Variants in TSNARE1 observed in about 807,000 individuals in gnomAD.
TSNARE1 encodes the protein t-SNARE domain containing 1, also known as t-SNARE domain-containing protein 1.
Under a neutral mutation model 62.0 loss-of-function variants are expected in TSNARE1, and 49 were observed. That is an observed-to-expected ratio of 0.79 (90% CI 0.63 to 1.00). The LOEUF (loss-of-function observed/expected upper bound fraction) is 1.00. TSNARE1 is among the 50% of genes least tolerant of loss of function. The pLI, the probability that TSNARE1 is intolerant of heterozygous loss-of-function variation, is 0.00. For missense variants in TSNARE1, 755 were observed against 700.1 expected, an observed-to-expected ratio of 1.08 and a Z score of -0.88; for synonymous variants, 328 against 294.4, an observed-to-expected ratio of 1.11 and a Z score of -1.17.
In TSNARE1 at chr8:142,343,797, G is replaced by A. The variant is rs190531580; in HGVS notation, c.745+169C>T. 5.8e-4 allele frequency among the ~76,000 whole-genome samples: 47 copies of A among 80,790 alleles called. 1 individual carries two copies. Among genetic ancestry groups the A allele is most frequent in the African/African-American group, 1.6e-3 (14 of 9,012 alleles). The allele number at this position is 80,790 out of a possible 152,430, so 53.0% of individuals were successfully genotyped here. Reference sequence around the variant, plus strand: ...GAGGAGGAGGAGGAGGAGGAGGAGGGGGAGGAGGAGGAGGAGGGGAGAGGA... The same window carrying A: ...GAGGAGGAGGAGGAGGAGGAGGAGGAGGAGGAGGAGGAGGAGGGGAGAGGA... On this transcript the variant is annotated intron_variant, in intron 4 of 13. Transcript: ENST00000524325.
At chr8:142,297,856 T>C (rs1299870839) in intron 10 of TSNARE1, among the ~76,000 whole-genome samples, 4 of 152,184 alleles carry the variant, frequency 2.6e-5, no homozygotes, top group Non-Finnish European at 2.9e-5. Flanking sequence ...GAGGGAGTGA[T>C]GCAGTGAGGT....
At chr8:142,362,156 G>A (rs1835214229) in intron 1 of TSNARE1, among the ~76,000 whole-genome samples, 1 of 152,226 alleles carries the variant, frequency 6.6e-6, no homozygotes. Context: ...CCACAGGCAG[G>A]AATCAGACAG....
At chr8:142,349,607 T>A (rs1446562328) in intron 2 of TSNARE1, among the ~76,000 whole-genome samples, 1 of 152,208 alleles carries the variant, frequency 6.6e-6, no homozygotes, top group Non-Finnish European at 1.5e-5. Flanking sequence ...GCCAGGTCTC[T>A]GTCGATACTG....
intron 12 of TSNARE1, among the ~76,000 whole-genome samples, chr8:142,250,724 A>T (rs965354068): frequency 2.6e-4 from 39 of 152,210 alleles, no homozygotes; most frequent in South Asian, 6.2e-4. Context: ...CACCGAGGGC[A>T]TGGCAGCACA....
intron 12 of TSNARE1, among the ~76,000 whole-genome samples, chr8:142,239,758 G>T (rs1563770029): frequency 6.6e-6 from 1 of 152,212 alleles, no homozygotes; most frequent in African/African-American, 2.4e-5. Flanking sequence ...ACTTCTGAGG[G>T]TGTGTGGGAG....
intron 10 of TSNARE1, among the ~76,000 whole-genome samples, chr8:142,296,810 C>T (rs1209910552): frequency 1.3e-5 from 2 of 151,816 alleles, no homozygotes; most frequent in Admixed American, 1.3e-4. Context: ...CCCACAGGCT[C>T]CCCAGGACGG....
rs201648259 is a variant in TSNARE1, at chr8:142,344,261, C to G, written c.450G>C (p.Thr150=). Residue 150 remains threonine (T), a synonymous_variant, in exon 4 of 14, where the codon ACG becomes ACC. Coordinates refer to ENST00000524325, the MANE Select transcript of TSNARE1 (RefSeq NM_145003.5). ...VSKHHQLLFG[T]GLLKAEPTRR... ...GAGTGGGCTCGGCCTTCAGCAGCCC[C>G]GTGCCAAACAGCAGCTGGTGGTGCT... 1 of 1,607,988 alleles carries G rather than the reference C, an allele frequency of 6.2e-7. No homozygotes were observed. Among genetic ancestry groups the G allele is most frequent in the Non-Finnish European group, 8.5e-7 (1 of 1,175,680 alleles).
At chr8:142,362,923 A>G (rs919275132) in intron 1 of TSNARE1, among the ~76,000 whole-genome samples, 17 of 152,180 alleles carry the variant, frequency 1.1e-4, no homozygotes, top group African/African-American at 4.1e-4. Flanking sequence ...GAGATGAAAC[A>G]TGTGAGCCAC....
At chr8:142,285,844 TAA>T (rs1822647221) in intron 10 of TSNARE1, among the ~76,000 whole-genome samples, 1 of 152,180 alleles carries the variant, frequency 6.6e-6, no homozygotes, top group African/African-American at 2.4e-5. Context: ...CTGATGATCC[TAA>T]GAGACGTGGC....
At chr8:142,217,493 G>A (rs887104401) in intron 13 of TSNARE1, among the ~76,000 whole-genome samples, 3 of 152,188 alleles carry the variant, frequency 2.0e-5, no homozygotes, top group South Asian at 2.1e-4. Flanking sequence ...GGCCAGAGGC[G>A]AGAGCCAGCA....
intron 7 of TSNARE1, among the ~76,000 whole-genome samples, chr8:142,317,998 G>A (rs2131689135): frequency 6.6e-6 from 1 of 152,296 alleles, no homozygotes; most frequent in East Asian, 1.9e-4. Flanking sequence ...GGAAATGAGG[G>A]AACAGCCCTG....
chr8:142,266,367 C>T (rs1051537883), intron 12 of TSNARE1, among the ~76,000 whole-genome samples: 7 of 152,174 alleles, frequency 4.6e-5, no homozygotes, highest in Admixed American at 3.9e-4. Flanking sequence ...GATTCCAGTC[C>T]TTCACCTTGA....
intron 12 of TSNARE1, among the ~76,000 whole-genome samples, chr8:142,237,970 G>T (rs774706088): frequency 6.6e-6 from 1 of 151,836 alleles, no homozygotes; most frequent in East Asian, 1.9e-4. Context: ...GCTGGCCCAC[G>T]CCACCCGCCT....
intron 10 of TSNARE1, among the ~76,000 whole-genome samples, chr8:142,289,795 G>A (rs938323389): frequency 2.0e-5 from 3 of 152,214 alleles, no homozygotes; most frequent in Admixed American, 1.3e-4. Flanking sequence ...TCCTGGCCCA[G>A]TGCTGGTCCC....
At chr8:142,316,772 G>C (rs1052650328) in intron 7 of TSNARE1, among the ~76,000 whole-genome samples, 1 of 151,848 alleles carries the variant, frequency 6.6e-6, no homozygotes, top group Non-Finnish European at 1.5e-5. Flanking sequence ...TTGCGTGGGG[G>C]CATGCAGTCT....
intron 1 of TSNARE1, 91 bp from the exon 2 acceptor site, chr8:142,354,854 C>A: frequency 1.4e-6 from 1 of 705,758 alleles, no homozygotes; most frequent in South Asian, 1.7e-5. Context: ...CGGCCCCTCC[C>A]CAGCCCCAAG....
intron 9 of TSNARE1, among the ~76,000 whole-genome samples, chr8:142,310,174 C>A (rs1827338200): frequency 6.6e-6 from 1 of 152,198 alleles, no homozygotes; most frequent in African/African-American, 2.4e-5. Flanking sequence ...GCTTTGCTAA[C>A]TTGCCTACTG....
At chr8:142,374,004 T>G (rs952293897) in intron 1 of TSNARE1, among the ~76,000 whole-genome samples, 1 of 151,912 alleles carries the variant, frequency 6.6e-6, no homozygotes, top group African/African-American at 2.4e-5. Context: ...AGGAAAAAAA[T>G]TAAAAGACTA....
chr8:142,280,280 C>T (rs1032882888), intron 11 of TSNARE1: 16 of 985,288 alleles, frequency 1.6e-5, no homozygotes, highest in Non-Finnish European at 1.9e-5. Flanking sequence ...GCGGCCGGCT[C>T]GGGGCTGCAG....
Sources: allele counts gnomAD v4.1 joint callset (sites outside exome capture counted in the v4.1 genomes callset), GRCh38; gene constraint gnomAD v4.1.1; transcripts MANE v1.5; gene names NCBI Gene and HGNC (gene_info 2026-07-23, HGNC 2026-07-21).